The following CDH13 variants were observed in gnomAD, a reference collection of about 807,000 sequenced individuals.
CDH13 encodes cadherin-13.
A neutral mutation model predicts 63.8 loss-of-function variants in CDH13; 24 were observed. The ratio of observed to expected loss-of-function variants is 0.38; its 90% CI spans 0.27 to 0.53. The LOEUF (loss-of-function observed/expected upper bound fraction) is 0.53, where lower values mean the gene tolerates loss of function less well. Ranked by LOEUF, CDH13 falls within the 20% of genes least tolerant of loss-of-function variation. CDH13 has a pLI of 0.85. For synonymous variants in CDH13, 503 were observed against 355.3 expected, an observed-to-expected ratio of 1.42 and a Z score of -4.67; for missense variants, 1,049 against 903.1, an observed-to-expected ratio of 1.16 and a Z score of -2.07.
chr16:83,758,334 A>G (rs1913682752), intron 11 of CDH13, among the ~76,000 whole-genome samples: 2 of 152,282 alleles, frequency 1.3e-5, no homozygotes, highest in Middle Eastern at 3.4e-3. Flanking sequence ...CTTAACAAAA[A>G]TATTAATGAA....
rs760209670 is a variant in CDH13, at chr16:83,031,991, T to G, written c.158-19T>G. The G allele has an allele frequency of 6.4e-7, 1 of 1,559,396 alleles. No homozygotes were observed. The highest frequency in any genetic ancestry group is 8.7e-7 in the Non-Finnish European group (1 of 1,149,268). ...CCCAACCTACTCATGCTCCTTCTGT[T>G]GTTTCGTTTGTTTCCCAGTGACCTT... On this transcript the variant is annotated intron_variant, in intron 2 of 13. Transcript: ENST00000567109.
chr16:82,995,738 C>A (rs1019742197), intron 2 of CDH13, among the ~76,000 whole-genome samples: 1 of 152,162 alleles, frequency 6.6e-6, no homozygotes, highest in African/African-American at 2.4e-5. Flanking sequence ...AAGCAGGAAG[C>A]CACTGCATTC....
intron 8 of CDH13, among the ~76,000 whole-genome samples, chr16:83,666,312 A>G (rs1460441517): frequency 6.6e-6 from 1 of 152,264 alleles, no homozygotes; most frequent in Non-Finnish European, 1.5e-5. Context: ...TAGAATGAGT[A>G]TTTAATTAAG....
Position 83,780,063 on chromosome 16 carries a change from T to A in CDH13, c.1777T>A (p.Cys593Ser). ...PFIYPTVAEV[C>S]DDAKNLSVVI... ...CATTTACCCCACAGTAGCTGAAGTCTGTGATGATGCCAAAAACCTCAGTGT... is the reference window on the plus strand; with the variant it reads ...CATTTACCCCACAGTAGCTGAAGTCAGTGATGATGCCAAAAACCTCAGTGT... Residue 593 changes from cysteine (C) to serine (S), a missense_variant, in exon 12 of 14, where the codon TGT becomes AGT. By Grantham distance (112) the Cys-to-Ser change is moderately radical (BLOSUM62 -1). Coordinates refer to ENST00000567109, the MANE Select transcript of CDH13 (RefSeq NM_001257.5). The A allele has an allele frequency of 6.2e-7, 1 of 1,613,964 alleles. No homozygotes were observed. The highest frequency in any genetic ancestry group is 1.1e-5 in the South Asian group (1 of 91,078).
chr16:83,353,751 C>T (rs956519791), intron 6 of CDH13, among the ~76,000 whole-genome samples: 2 of 152,314 alleles, frequency 1.3e-5, no homozygotes, highest in Middle Eastern at 3.4e-3. Context: ...CTCCTCTGCC[C>T]ATCACCCATG....
chr16:82,724,642 A>G (rs1400341910), intron 1 of CDH13, among the ~76,000 whole-genome samples: 4 of 152,208 alleles, frequency 2.6e-5, no homozygotes, highest in Admixed American at 2.0e-4. Context: ...GTGTGTGCAC[A>G]TGTGTGAAGA....
chr16:83,717,070 GC>G (rs146993463), intron 10 of CDH13: 15,743 of 152,248 alleles, frequency 0.1, 1,057 homozygotes, highest in Non-Finnish European at 0.15. Context: ...AACATGTCTG[GC>G]CAACATGGTG....
intron 6 of CDH13, among the ~76,000 whole-genome samples, chr16:83,356,241 TG>T (rs2091053779): frequency 6.6e-6 from 1 of 151,134 alleles, no homozygotes; most frequent in Non-Finnish European, 1.5e-5. Flanking sequence ...TGTGTGTGTG[TG>T]TGTGTGTGTG....
chr16:83,652,808 G>A (rs1339710498), intron 8 of CDH13, among the ~76,000 whole-genome samples: 2 of 152,182 alleles, frequency 1.3e-5, no homozygotes, highest in African/African-American at 2.4e-5. Context: ...GGTGTAAACC[G>A]AAGAGAATGA....
intron 1 of CDH13, among the ~76,000 whole-genome samples, chr16:82,857,638 A>G (rs1022269295): frequency 6.6e-6 from 1 of 152,226 alleles, no homozygotes; most frequent in Admixed American, 6.5e-5. Context: ...GCAATTGTAA[A>G]TTTTAAGTTT....
At chr16:82,819,390 A>G (rs2037887030) in intron 1 of CDH13, among the ~76,000 whole-genome samples, 1 of 152,206 alleles carries the variant, frequency 6.6e-6, no homozygotes. Context: ...TGCTGGAATT[A>G]CTATGAGAAA....
intron 3 of CDH13, among the ~76,000 whole-genome samples, chr16:83,045,886 A>C (rs1028486766): frequency 1.3e-5 from 2 of 152,224 alleles, no homozygotes; most frequent in Non-Finnish European, 2.9e-5. Flanking sequence ...AGAAGCCTGA[A>C]TGTTTGTAGA....
intron 10 of CDH13, among the ~76,000 whole-genome samples, chr16:83,715,781 C>T (rs1908807741): frequency 6.6e-6 from 1 of 152,124 alleles, no homozygotes; most frequent in South Asian, 2.1e-4. Context: ...GGGCCCACTT[C>T]CTAGCTCGGG....
At chr16:83,326,746 G>T (rs763917222) in intron 5 of CDH13, among the ~76,000 whole-genome samples, 1 of 152,132 alleles carries the variant, frequency 6.6e-6, no homozygotes, top group Middle Eastern at 3.2e-3. Context: ...TTAATTCTGG[G>T]CTGGCCAGGA....
At chr16:83,718,110 A>T (rs78813732) in intron 10 of CDH13, among the ~76,000 whole-genome samples, 1,571 of 152,336 alleles carry the variant, frequency 0.01, 34 homozygotes, top group African/African-American at 0.036. Context: ...AAAATAGTTT[A>T]GTTGGCAGAA....
At chr16:83,300,497 T>C (rs1272036892) in intron 5 of CDH13, among the ~76,000 whole-genome samples, 1 of 152,222 alleles carries the variant, frequency 6.6e-6, no homozygotes, top group Non-Finnish European at 1.5e-5. Context: ...CCTGACAAGT[T>C]ACCAGCTGAG....
chr16:82,927,319 C>G (rs949216522), intron 2 of CDH13, among the ~76,000 whole-genome samples: 1 of 152,140 alleles, frequency 6.6e-6, no homozygotes, highest in Non-Finnish European at 1.5e-5. Context: ...AGTCATGTCA[C>G]CATTACCTTG....
chr16:82,661,358 G>A (rs1269242536), intron 1 of CDH13, among the ~76,000 whole-genome samples: 1 of 152,200 alleles, frequency 6.6e-6, no homozygotes, highest in Non-Finnish European at 1.5e-5. Flanking sequence ...AGATAGGAAC[G>A]GGTAATTGAC....
chr16:83,237,352 C>T (rs1055438146), intron 5 of CDH13, among the ~76,000 whole-genome samples: 1 of 152,204 alleles, frequency 6.6e-6, no homozygotes, highest in Non-Finnish European at 1.5e-5. Flanking sequence ...CTAAGCTTAA[C>T]TTCTGGTGTT....
Sources: allele counts gnomAD v4.1 joint callset (sites outside exome capture counted in the v4.1 genomes callset), GRCh38; gene constraint gnomAD v4.1.1; transcripts MANE v1.5; gene names NCBI Gene and HGNC (gene_info 2026-07-23, HGNC 2026-07-21).